Variants in RASA3 observed in about 807,000 individuals in gnomAD.
RASA3 encodes ras GTPase-activating protein 3.
A neutral mutation model predicts 110.0 loss-of-function variants in RASA3; 73 were observed. That is an observed-to-expected ratio of 0.66 (90% CI 0.55 to 0.81). The LOEUF is 0.81. Among genes scored for constraint, RASA3 ranks in the 30% least tolerant of loss-of-function variants. The probability of loss-of-function intolerance (pLI) is 0.00; values close to 1 mark genes in which losing one functional copy is unlikely to be tolerated. For synonymous variants in RASA3, 500 were observed against 451.4 expected, an observed-to-expected ratio of 1.11 and a Z score of -1.37; for missense variants, 976 against 1,113.2, an observed-to-expected ratio of 0.88 and a Z score of 1.75.
intron 20 of RASA3, among the ~76,000 whole-genome samples, chr13:113,998,134 T>A (rs1283433898): frequency 1.3e-5 from 2 of 152,278 alleles, no homozygotes; most frequent in South Asian, 2.1e-4. Context: ...GGAATCTATG[T>A]GAAGGGCTGG....
chr13:114,017,149 G>T (rs1227066803), intron 12 of RASA3, 88 bp downstream of exon 12: 3 of 1,209,228 alleles, frequency 2.5e-6, no homozygotes, highest in Non-Finnish European at 3.7e-6. Context: ...CCAGCTCGTG[G>T]TCTGGCTGGA....
At chr13:114,023,284 ACATCCCAGGCTTGGGGG>A (rs2053964607) in intron 8 of RASA3, among the ~76,000 whole-genome samples, 1 of 148,552 alleles carries the variant, frequency 6.7e-6, no homozygotes, top group African/African-American at 2.5e-5. Flanking sequence ...GGCTCGGGGA[ACATCCCAGGCTTGGGGG>A]CATCCCAGGC....
At chr13:114,055,843 A>C (rs747503962) in intron 2 of RASA3, among the ~76,000 whole-genome samples, 55 of 152,310 alleles carry the variant, frequency 3.6e-4, no homozygotes, top group Non-Finnish European at 6.9e-4. Flanking sequence ...CTCACACAAG[A>C]AGCCCAGCGG....
At chr13:114,001,742 C>G (rs913002718) in intron 18 of RASA3, among the ~76,000 whole-genome samples, 4 of 142,594 alleles carry the variant, frequency 2.8e-5, no homozygotes, top group Non-Finnish European at 4.8e-5. Context: ...GAGCGGGCAG[C>G]AGACGCCCAT....
intron 4 of RASA3, among the ~76,000 whole-genome samples, chr13:114,040,134 A>G (rs2054367080): frequency 6.6e-6 from 1 of 152,264 alleles, no homozygotes; most frequent in Admixed American, 6.5e-5. Flanking sequence ...TGTGCATGAC[A>G]AAGGGCGGCA....
chr13:114,082,189 G>A (rs1389723327), intron 1 of RASA3, among the ~76,000 whole-genome samples: 3 of 152,234 alleles, frequency 2.0e-5, no homozygotes, highest in African/African-American at 7.2e-5. Context: ...TCACCGGGGA[G>A]CTGCGGGTCT....
At chr13:114,051,068 C>T (rs1257356809) in intron 3 of RASA3, among the ~76,000 whole-genome samples, 1 of 152,190 alleles carries the variant, frequency 6.6e-6, no homozygotes, top group African/African-American at 2.4e-5. Context: ...TGGACCGGGA[C>T]CCCGCCCACG....
rs1274847416 is a variant in RASA3 at position 114,096,849 on chromosome 13, C to T, written c.56-23012G>A. ...GTCCAGGCCGATCTCGCTGCTCCCT[C>T]GGACGTACTCGCCCTACACCCCAGC... On this transcript the variant is annotated intron_variant, in intron 1 of 23. Transcript: ENST00000334062. This position sits in a 1 kb window ranked among gnomAD's most constrained non-coding sequence, Gnocchi z 5.1. Among the ~76,000 whole-genome samples, 2 of 152,184 alleles carry T rather than the reference C, an allele frequency of 1.3e-5. No individual in the cohort carries two copies. Among genetic ancestry groups the T allele is most frequent in the Non-Finnish European group, 2.9e-5 (2 of 68,040 alleles).
rs547155220 is a variant in RASA3, at chr13:114,027,923, C to T, written c.454G>A (p.Val152Ile). 2.0e-5 allele frequency: 32 copies of T among 1,613,082 alleles called. No homozygotes were observed. Among genetic ancestry groups the T allele is most frequent in the Middle Eastern group, 1.7e-4 (1 of 6,060 alleles). The change falls in exon 6 of 24, where the codon GTC becomes ATC. Residue 152 changes from valine (V) to isoleucine (I), a missense_variant. Physicochemically the swap from Val to Ile is conservative, Grantham distance 29 (BLOSUM62 3). Around this residue, in one of 4 missense-constraint regions of RASA3, gnomAD observed 732 missense variants for 779.7 expected, o/e 0.94. Transcript: ENST00000334062. ...ACGATGGGGAGGCCCTGGCACTCGACGATGCTGAGGAGAGAAGCAGAGGCG... is the reference window on the plus strand; with the variant it reads ...ACGATGGGGAGGCCCTGGCACTCGATGATGCTGAGGAGAGAAGCAGAGGCG... ...VVCHKLATRI[V>I]ECQGLPIVNG... is the part of the protein sequence containing the mutation.
At chr13:114,106,245 AT>A (rs1271749539) in intron 1 of RASA3, among the ~76,000 whole-genome samples, 2 of 152,216 alleles carry the variant, frequency 1.3e-5, no homozygotes, top group Admixed American at 1.3e-4. Context: ...CGCGCACCGT[AT>A]CTCCACGGAG....
intron 3 of RASA3, among the ~76,000 whole-genome samples, chr13:114,050,964 G>A (rs951727638): frequency 1.3e-5 from 2 of 152,244 alleles, no homozygotes; most frequent in Non-Finnish European, 2.9e-5. Flanking sequence ...ACAGCTGAGG[G>A]ACACAGGTGA....
rs963680736 is a variant in RASA3, at chr13:114,024,352, T to C, written c.607A>G (p.Thr203Ala). 10 of 1,613,592 alleles carry C rather than the reference T, an allele frequency of 6.2e-6. No individual in the cohort carries two copies. Among genetic ancestry groups the C allele is most frequent in the Middle Eastern group, 3.3e-4 (2 of 6,062 alleles). The change falls in exon 8 of 24, where the codon ACC becomes GCC. Residue 203 changes from threonine to alanine, a missense_variant. Thr to Ala is a moderately conservative substitution (Grantham distance 58). Around this residue, in one of 4 missense-constraint regions of RASA3, gnomAD observed 732 missense variants for 779.7 expected, o/e 0.94. Transcript: ENST00000334062. ...TTCTTGCTGTAGCTACAGGGCCGGG[T>C]CACCTGGAGTCAGACGAGAGAGAAA... is the stretch of plus-strand genomic sequence containing the variant. ...QFDEVFYFEVTRPCSYSKKSH... is the reference protein window; with the variant it reads ...QFDEVFYFEVARPCSYSKKSH...
At chr13:114,103,619 CG>C (rs1195553975) in intron 1 of RASA3, among the ~76,000 whole-genome samples, 34 of 818 alleles carry the variant, frequency 0.042, 10 homozygotes, top group African/African-American at 0.15. Flanking sequence ...TCCACACTGC[CG>C]CCGACCACAG....
In RASA3 at chr13:113,999,675, A is replaced by C; in HGVS notation, c.1850-8T>G. 6.2e-7 allele frequency: 1 copy of C among 1,604,086 alleles called. No individual in the cohort carries two copies. The highest frequency in any genetic ancestry group is 8.5e-7 in the Non-Finnish European group (1 of 1,174,260). ...TGTAGAGAGGCTGGTCCCCTGCAGCAGAGATGGACTGTCAGTGGGTGCGGG... is the reference window on the plus strand; with the variant it reads ...TGTAGAGAGGCTGGTCCCCTGCAGCCGAGATGGACTGTCAGTGGGTGCGGG... On this transcript the variant is annotated splice_region_variant and splice_polypyrimidine_tract_variant and intron_variant, in intron 19 of 23. Coordinates refer to ENST00000334062, the MANE Select transcript of RASA3 (RefSeq NM_007368.4).
At chr13:114,051,516 G>A (rs1370325260) in intron 3 of RASA3, among the ~76,000 whole-genome samples, 1 of 152,196 alleles carries the variant, frequency 6.6e-6, no homozygotes, top group Non-Finnish European at 1.5e-5. Flanking sequence ...ATACCAGGCA[G>A]GGCTGCCCAT....
intron 22 of RASA3, among the ~76,000 whole-genome samples, chr13:113,990,360 T>C (rs2382878): frequency 0.7 from 106,538 of 151,970 alleles, 38,081 homozygotes; most frequent in African/African-American, 0.85. Flanking sequence ...GAGCTGGAGC[T>C]GTGATGCGGG....
chr13:114,004,164 A>G (rs1479612113), intron 18 of RASA3, among the ~76,000 whole-genome samples: 4 of 152,218 alleles, frequency 2.6e-5, no homozygotes, highest in Non-Finnish European at 5.9e-5. Flanking sequence ...TGACCCAGAG[A>G]TGATCCAGGT....
Position 114,132,450 on chromosome 13 carries a change from C to G in RASA3, c.40G>C (p.Val14Leu). The G allele has an allele frequency of 6.5e-7, 1 of 1,527,700 alleles. No homozygotes were observed. The highest frequency in any genetic ancestry group is 8.7e-7 in the Non-Finnish European group (1 of 1,144,844). The allele number at this position is 1,527,700 out of a possible 1,614,324, so 94.6% of individuals were successfully genotyped here. Residue 14 changes from valine (V) to leucine (L), a missense_variant, in exon 1 of 24, where the codon GTG becomes CTG. Val to Leu is a conservative substitution (Grantham distance 32). Transcript: ENST00000334062. ...EDEGLRVFQS[V>L]KIKIGEAKNL... ...GGACACTCACCGATCTTGATCTTCA[C>G]GCTCTGGAAGACCCGGAGCCCCTCG...
chr13:114,017,516 A>G (rs1300482989), intron 11 of RASA3, among the ~76,000 whole-genome samples, 165 bp from the exon 12 acceptor site: 2 of 152,202 alleles, frequency 1.3e-5, no homozygotes, highest in African/African-American at 2.4e-5. Context: ...AGGTGCTTGG[A>G]GGCCCTGGCC....
Sources: allele counts gnomAD v4.1 joint callset (sites outside exome capture counted in the v4.1 genomes callset), GRCh38; gene constraint gnomAD v4.1.1; regional missense constraint gnomAD v4.1.1; non-coding constraint Gnocchi (gnomAD v3.1); transcripts MANE v1.5; gene names NCBI Gene and HGNC (gene_info 2026-07-23, HGNC 2026-07-21).